Variants in TUSC3 observed in about 807,000 individuals in gnomAD.
TUSC3 encodes the protein tumor suppressor candidate 3.
TUSC3 carries 45 observed loss-of-function variants against 44.8 expected under a neutral mutation model. The observed-to-expected ratio is 1.00, with a 90% CI of 0.79 to 1.29. TUSC3 has a LOEUF of 1.29. TUSC3 is among the 50% of genes most tolerant of loss of function. The pLI is 0.00. For synonymous variants in TUSC3, 212 were observed against 152.9 expected (o/e 1.39, Z -2.85); for missense variants, 519 against 437.9 (o/e 1.19, Z -1.65).
At chr8:15,773,137 C>G in the TUSC3 span, among the ~76,000 whole-genome samples, 1 of 152,008 alleles carries the variant, frequency 6.6e-6, no homozygotes, top group Non-Finnish European at 1.5e-5. Flanking sequence ...CTAGGTAGGA[C>G]AATTAGGTAA....
chr8:15,448,470 T>A (rs140230040), intron 1 of TUSC3, among the ~76,000 whole-genome samples: 2 of 152,090 alleles, frequency 1.3e-5, no homozygotes, highest in Non-Finnish European at 1.5e-5. Flanking sequence ...TCAGCATAAC[T>A]TTTGGAGATT....
chr8:15,575,462 T>A (rs1370082843), intron 1 of TUSC3, among the ~76,000 whole-genome samples: 1 of 152,160 alleles, frequency 6.6e-6, no homozygotes, highest in Non-Finnish European at 1.5e-5. Context: ...AATATATATT[T>A]TATTTCAAAA....
chr8:15,540,574 A>T lies in TUSC3; in HGVS notation c.138+6A>T, dbSNP rs1474504176. ...GAGGACAGAAGAAAAAGGAGGTAGA[A>T]TGGATCCCCTTGGCCTTCCCCTGTG... On this transcript the variant is annotated splice_donor_region_variant and intron_variant, in intron 1 of 10. Coordinates refer to ENST00000503731, the MANE Select transcript of TUSC3 (RefSeq NM_006765.4). The T allele has an allele frequency of 2.5e-6, 4 of 1,576,538 alleles. No individual in the cohort carries two copies. The highest frequency in any genetic ancestry group is 3.4e-6 in the Non-Finnish European group (4 of 1,161,456).
intron 7 of TUSC3, among the ~76,000 whole-genome samples, chr8:15,739,298 A>ATGTT (rs1466192902): frequency 6.6e-6 from 1 of 152,054 alleles, no homozygotes; most frequent in African/African-American, 2.4e-5. Flanking sequence ...TCAGTATTTT[A>ATGTT]TGTTTTGCCT....
At chr8:15,845,139 C>G in the TUSC3 span, among the ~76,000 whole-genome samples, 1 of 152,034 alleles carries the variant, frequency 6.6e-6, no homozygotes, top group African/African-American at 2.4e-5. Flanking sequence ...AAGAAGAAAC[C>G]TCATCATTAA....
At chr8:15,458,753 G>T (rs1394837466) in intron 1 of TUSC3, among the ~76,000 whole-genome samples, 3 of 152,128 alleles carry the variant, frequency 2.0e-5, no homozygotes, top group Non-Finnish European at 4.4e-5. Flanking sequence ...ATGAGTAACT[G>T]GGGACTAAAA....
chr8:15,812,730 A>G, the TUSC3 span, among the ~76,000 whole-genome samples: 16 of 111,042 alleles, frequency 1.4e-4, no homozygotes, highest in African/African-American at 5.4e-4. Flanking sequence ...TTTCAACATG[A>G]TATGCCTTAT....
At chr8:15,418,395 G>A (rs913063619) in intron 1 of TUSC3, among the ~76,000 whole-genome samples, 1 of 152,086 alleles carries the variant, frequency 6.6e-6, no homozygotes, top group African/African-American at 2.4e-5. Flanking sequence ...CAGAAACTCT[G>A]AAAGTTTTAG....
chr8:15,639,796 T>TC (rs2129171271), intron 2 of TUSC3, among the ~76,000 whole-genome samples: 1 of 151,756 alleles, frequency 6.6e-6, no homozygotes, highest in Non-Finnish European at 1.5e-5. Flanking sequence ...TTTTTTTTTT[T>TC]GGACCCATGA....
intron 6 of TUSC3, among the ~76,000 whole-genome samples, chr8:15,711,493 T>TGTGC (rs1292457375): frequency 7.0e-6 from 1 of 142,194 alleles, no homozygotes; most frequent in Non-Finnish European, 1.5e-5. Flanking sequence ...TGTGTGTGTG[T>TGTGC]GTATTTAATA....
the TUSC3 span, among the ~76,000 whole-genome samples, chr8:15,794,661 G>A: frequency 1.3e-5 from 2 of 152,086 alleles, no homozygotes; most frequent in East Asian, 3.9e-4. Context: ...GCAACACAAA[G>A]AGGGCCCAAT....
intron 2 of TUSC3, among the ~76,000 whole-genome samples, chr8:15,512,296 C>A (rs1801147807): frequency 6.6e-6 from 1 of 152,044 alleles, no homozygotes; most frequent in Non-Finnish European, 1.5e-5. Flanking sequence ...TGGGCCTCAC[C>A]CATTCCATTG....
intron 9 of TUSC3, among the ~76,000 whole-genome samples, chr8:15,753,470 G>A (rs1811792897): frequency 6.6e-6 from 1 of 152,014 alleles, no homozygotes; most frequent in Non-Finnish European, 1.5e-5. Context: ...GACATTTACA[G>A]TATCCTCCTA....
At chr8:15,702,668 C>T (rs901034855) in intron 6 of TUSC3, among the ~76,000 whole-genome samples, 6 of 152,038 alleles carry the variant, frequency 3.9e-5, no homozygotes, top group African/African-American at 1.4e-4. Flanking sequence ...ATACCTGCAG[C>T]GTTCAAGTTG....
intron 1 of TUSC3, among the ~76,000 whole-genome samples, chr8:15,602,757 C>G (rs1394474511): frequency 6.7e-6 from 1 of 149,538 alleles, no homozygotes; most frequent in Non-Finnish European, 1.5e-5. Context: ...TGTATGGAAC[C>G]TAATATGTAG....
At chr8:15,612,743 T>G (rs1047343306) in intron 1 of TUSC3, among the ~76,000 whole-genome samples, 3 of 152,110 alleles carry the variant, frequency 2.0e-5, no homozygotes, top group Non-Finnish European at 4.4e-5. Flanking sequence ...GGATGGGGCT[T>G]TTTTGTTTTG....
At chr8:15,526,298 G>C (rs999413365) in intron 2 of TUSC3, among the ~76,000 whole-genome samples, 6 of 152,150 alleles carry the variant, frequency 3.9e-5, no homozygotes, top group African/African-American at 1.4e-4. Flanking sequence ...CTCCCAAAGT[G>C]CTGGATTACA....
the TUSC3 span, among the ~76,000 whole-genome samples, chr8:15,834,515 T>A: frequency 6.6e-6 from 1 of 152,202 alleles, no homozygotes. Flanking sequence ...CATTATCTAT[T>A]GCAAGGTAAG....
intron 1 of TUSC3, among the ~76,000 whole-genome samples, chr8:15,613,065 ATAT>A (rs1804830589): frequency 1.3e-4 from 1 of 7,534 alleles, no homozygotes; most frequent in African/African-American, 2.5e-4. Context: ...TATATATATG[ATAT>A]ATATATATAT....
Sources: gnomAD v4.1 joint callset for allele counts (sites outside exome capture counted in the v4.1 genomes callset) on GRCh38, gnomAD v4.1.1 for gene constraint, MANE v1.5 for transcripts, NCBI Gene and HGNC (gene_info 2026-07-23, HGNC 2026-07-21) for gene names.